Variants in PFKFB3 observed in about 807,000 individuals in gnomAD.
PFKFB3 encodes 6-phosphofructo-2-kinase/fructose-2,6-biphosphatase 3.
PFKFB3 carries 33 observed loss-of-function variants against 68.0 expected under a neutral mutation model. That is an observed-to-expected ratio of 0.49 (90% CI 0.37 to 0.65). The LOEUF (loss-of-function observed/expected upper bound fraction) is 0.65. Ranked by LOEUF, PFKFB3 falls within the 30% of genes least tolerant of loss-of-function variation. PFKFB3 has a pLI of 0.00. For synonymous variants in PFKFB3, 315 were observed against 288.2 expected, an observed-to-expected ratio of 1.09 and a Z score of -0.94; for missense variants, 586 against 712.2, an observed-to-expected ratio of 0.82 and a Z score of 2.02.
intron 1 of PFKFB3, among the ~76,000 whole-genome samples, chr10:6,181,728 C>T (rs1423098211): frequency 5.4e-5 from 8 of 149,040 alleles, no homozygotes; most frequent in Non-Finnish European, 1.0e-4. Flanking sequence ...AGCCCAGGTG[C>T]TCAAGGCTGC....
chr10:6,179,759 C>T lies in PFKFB3; in HGVS notation c.17-33864C>T, dbSNP rs923043248. On this transcript the variant is annotated intron_variant, in intron 1 of 14. Transcript: ENST00000379789. ...GGACCCTGTTTTCTGAGCATGCAGA[C>T]GCCAGGATTATAGGACATTCTGCCA... Among the ~76,000 whole-genome samples the T allele has an allele frequency of 9.9e-5, 15 of 152,232 alleles. No individual in the cohort carries two copies. The East Asian group carries it at 1.7e-3, about 18-fold the overall frequency.
Position 6,145,099 on chromosome 10 carries a change from C to T in PFKFB3, c.16+86C>T, listed in dbSNP as rs544161524. The T allele has an allele frequency of 8.2e-5, 92 of 1,115,812 alleles. No individual in the cohort carries two copies. The South Asian group carries it at 1.4e-3, about 18-fold the overall frequency. 69.1% of individuals were successfully genotyped at this position (1,115,812 alleles called of 1,614,324 possible). On this transcript the variant is annotated intron_variant, in intron 1 of 14. Transcript: ENST00000379789. ...TGTGGGTACCCGAGCCTTGGGTCCTCGCCAGGCGCGGAAGCACTGTGCACC... is the reference window on the plus strand; with the variant it reads ...TGTGGGTACCCGAGCCTTGGGTCCTTGCCAGGCGCGGAAGCACTGTGCACC...
At chr10:6,146,499 AT>A in intron 1 of PFKFB3, 1 of 1,534,850 alleles carries the variant, frequency 6.5e-7, no homozygotes, top group South Asian at 1.2e-5. Context: ...TAATCCAGGT[AT>A]GATTCGGCCA....
chr10:6,252,304 G>A (rs1486927682), intron 14 of PFKFB3, among the ~76,000 whole-genome samples: 1 of 152,208 alleles, frequency 6.6e-6, no homozygotes, highest in Non-Finnish European at 1.5e-5. Flanking sequence ...AACTTTCTCT[G>A]TAAGTTTCCT....
the PFKFB3 span, among the ~76,000 whole-genome samples, chr10:6,316,744 T>C: frequency 6.6e-6 from 1 of 152,194 alleles, no homozygotes; most frequent in East Asian, 1.9e-4. Flanking sequence ...ATTACAGGCA[T>C]GAGCCACTGT....
chr10:6,157,369 G>A (rs1447761853), intron 1 of PFKFB3, among the ~76,000 whole-genome samples: 2 of 151,982 alleles, frequency 1.3e-5, no homozygotes, highest in Non-Finnish European at 2.9e-5. Context: ...TGGGACTACA[G>A]GCGCCCGCCG....
At chr10:6,155,822 G>T (rs1318156687) in intron 1 of PFKFB3, among the ~76,000 whole-genome samples, 1 of 152,148 alleles carries the variant, frequency 6.6e-6, no homozygotes, top group Non-Finnish European at 1.5e-5. Flanking sequence ...TAGAAAAACA[G>T]ATTTAAAAAC....
the PFKFB3 span, among the ~76,000 whole-genome samples, chr10:6,273,314 G>C: frequency 1.3e-5 from 2 of 152,120 alleles, no homozygotes; most frequent in Non-Finnish European, 2.9e-5. Context: ...AATGAGGCCT[G>C]GAGTTTTCCC....
At chr10:6,214,760 CAT>C (rs1311627319) in intron 2 of PFKFB3, among the ~76,000 whole-genome samples, 1 of 152,330 alleles carries the variant, frequency 6.6e-6, no homozygotes, top group East Asian at 1.9e-4. Context: ...CCATGGGACA[CAT>C]GTCTCCGGCC....
In PFKFB3 at chr10:6,202,989, T is replaced by C. The variant is rs1009047708; in HGVS notation, c.-272T>C. 2.4e-5 allele frequency: 31 copies of C among 1,314,524 alleles called. No homozygotes were observed. Among genetic ancestry groups the C allele is most frequent in the Non-Finnish European group, 2.9e-5 (30 of 1,033,964 alleles). 81.4% of individuals were successfully genotyped at this position (1,314,524 alleles called of 1,614,324 possible). ...CTGGTGGCGAGAGCGCGGCTGTCAC[T>C]GCGCCCGAGCATCCCAGAGCTTTCC... On this transcript the variant is annotated 5_prime_UTR_variant, in exon 1 of 15. Coordinates refer to ENST00000379775, the MANE Select transcript of PFKFB3 (RefSeq NM_004566.4).
At chr10:6,289,556 T>G in the PFKFB3 span, among the ~76,000 whole-genome samples, 221 of 152,090 alleles carry the variant, frequency 1.5e-3, 1 homozygote, top group African/African-American at 5.1e-3. Context: ...TCTGTTCCAT[T>G]GATCTATATC....
At chr10:6,264,437 A>G in the PFKFB3 span, among the ~76,000 whole-genome samples, 1 of 152,234 alleles carries the variant, frequency 6.6e-6, no homozygotes, top group East Asian at 1.9e-4. Flanking sequence ...GGAAGAACTG[A>G]TATCTTTACA....
chr10:6,203,374 C>T (rs1372117755), intron 1 of PFKFB3, 38 bp downstream of exon 1: 13 of 1,525,972 alleles, frequency 8.5e-6, no homozygotes, highest in Admixed American at 5.4e-5. Flanking sequence ...GCAGGGCGGG[C>T]TGCGCCGGGC....
intron 1 of PFKFB3, among the ~76,000 whole-genome samples, chr10:6,174,089 G>A (rs1842389466): frequency 6.6e-6 from 1 of 152,088 alleles, no homozygotes; most frequent in Non-Finnish European, 1.5e-5. Context: ...GCAAGTTCCA[G>A]TAGAAGGAGT....
chr10:6,171,559 C>T (rs1279061103), intron 1 of PFKFB3, among the ~76,000 whole-genome samples: 1 of 152,038 alleles, frequency 6.6e-6, no homozygotes, highest in Non-Finnish European at 1.5e-5. Flanking sequence ...CCACACTCGG[C>T]TAATTTTATT....
intron 1 of PFKFB3, among the ~76,000 whole-genome samples, chr10:6,156,734 C>G (rs1841815314): frequency 6.6e-6 from 1 of 152,068 alleles, no homozygotes; most frequent in African/African-American, 2.4e-5. Context: ...GATCCGCCCA[C>G]CTTGGCCTCC....
In PFKFB3 at chr10:6,228,105, G is replaced by A; in HGVS notation, c.1515+1740G>A. 7.0e-7 allele frequency: 1 copy of A among 1,427,164 alleles called. No homozygotes were observed. The highest frequency in any genetic ancestry group is 9.9e-7 in the Non-Finnish European group (1 of 1,013,348). 88.4% of individuals were successfully genotyped at this position (1,427,164 alleles called of 1,614,324 possible). ...GTTCTTAGGGACGTCTGAAGCTGCT[G>A]GCTGGGCCGGCGTGGGGTTTTTCAG... On this transcript the variant is annotated intron_variant, in intron 14 of 14. Coordinates refer to ENST00000379775, the MANE Select transcript of PFKFB3 (RefSeq NM_004566.4). The surrounding 1 kb of genome is among the most constrained non-coding windows in gnomAD (Gnocchi z 4.5).
intron 1 of PFKFB3, among the ~76,000 whole-genome samples, chr10:6,157,083 C>T (rs960644674): frequency 6.6e-6 from 1 of 151,132 alleles, no homozygotes; most frequent in African/African-American, 2.4e-5. Context: ...CAGAGCGAGA[C>T]TCCATCTGAA....
chr10:6,250,140 C>T (rs1393353657), intron 14 of PFKFB3, among the ~76,000 whole-genome samples: 1 of 152,032 alleles, frequency 6.6e-6, no homozygotes, highest in Non-Finnish European at 1.5e-5. Flanking sequence ...AAGGGTGACC[C>T]AAAAATAGCC....
Sources: gnomAD v4.1 joint callset for allele counts (sites outside exome capture counted in the v4.1 genomes callset) on GRCh38, gnomAD v4.1.1 for gene constraint, Gnocchi (gnomAD v3.1) non-coding constraint, MANE v1.5 for transcripts, NCBI Gene and HGNC (gene_info 2026-07-23, HGNC 2026-07-21) for gene names.